Variants in CAPN10 observed in about 807,000 individuals in gnomAD.
The protein encoded by CAPN10 is calpain 10.
CAPN10 carries 71 observed loss-of-function variants against 78.4 expected under a neutral mutation model. The observed-to-expected ratio is 0.91, with a 90% CI of 0.75 to 1.10. The LOEUF is 1.10. CAPN10 is among the 50% of genes least tolerant of loss of function. The probability of loss-of-function intolerance (pLI) is 0.00; values close to 1 mark genes in which losing one functional copy is unlikely to be tolerated. For synonymous variants in CAPN10, 437 were observed against 407.2 expected, an observed-to-expected ratio of 1.07 and a Z score of -0.88; for missense variants, 849 against 924.6, an observed-to-expected ratio of 0.92 and a Z score of 1.06.
At position 240,592,151 on chromosome 2, in the gene CAPN10, G is replaced by A; in HGVS notation, c.688+1G>A. On this transcript the variant is annotated splice_donor_variant, in intron 4 of 11. Coordinates refer to ENST00000391984, the MANE Select transcript of CAPN10 (RefSeq NM_023083.4). LOFTEE classifies it high-confidence loss of function. Reference sequence around the variant, plus strand: ...TGCTGCGTGCTCAGCCCCAGAGCAGGTGAGGCACGTGGCCAGCATGGGAGG... The same window carrying A: ...TGCTGCGTGCTCAGCCCCAGAGCAGATGAGGCACGTGGCCAGCATGGGAGG... 1.3e-6 allele frequency: 2 copies of A among 1,557,060 alleles called. No individual in the cohort carries two copies. Among genetic ancestry groups the A allele is most frequent in the East Asian group, 2.4e-5 (1 of 42,002 alleles).
At chr2:240,594,949 G>A in intron 6 of CAPN10, 75 bp from the exon 7 acceptor site, 1 of 1,524,908 alleles carries the variant, frequency 6.6e-7, no homozygotes, top group East Asian at 2.3e-5. Context: ...CCCTGCCAGG[G>A]TTCATGAGGC....
Position 240,593,914 on chromosome 2 carries a change from G to C in CAPN10, c.697G>C (p.Glu233Gln). The C allele has an allele frequency of 6.3e-7, 1 of 1,598,706 alleles. No individual in the cohort carries two copies. Among genetic ancestry groups the C allele is most frequent in the South Asian group, 1.1e-5 (1 of 90,046 alleles). Residue 233 changes from glutamate (E) to glutamine (Q), a missense_variant, in exon 5 of 12, where the codon GAG (glutamate) becomes CAG (glutamine). Physicochemically the swap from Glu to Gln is conservative, Grantham distance 29. Coordinates refer to ENST00000391984, the MANE Select transcript of CAPN10 (RefSeq NM_023083.4). ...CGCCATTCCTCATGCAGGTGCCCGG[G>C]AGCTGGGGGAGTTCCATGCCTTCAT... ...CVLSPRAGAR[E>Q]LGEFHAFIVS...
rs1046803306 is a variant in CAPN10 at position 240,594,121 on chromosome 2, C to A, written c.830+74C>A. The A allele has an allele frequency of 2.5e-5, 36 of 1,444,942 alleles. No individual in the cohort carries two copies. The African/African-American group carries it at 4.9e-4, about 20-fold the overall frequency. 89.5% of individuals were successfully genotyped at this position (1,444,942 alleles called of 1,614,324 possible). ...GCCAGTCTGGCCTGTGTCCTGGTCA[C>A]CTTCAGCTGTCAGGACTGTACTTGG... On this transcript the variant is annotated intron_variant, in intron 5 of 11. Transcript: ENST00000391984.
At position 240,596,749 on chromosome 2, in the gene CAPN10, T is replaced by C; in HGVS notation, c.1550T>C (p.Val517Ala). 1.2e-6 allele frequency: 2 copies of C among 1,606,310 alleles called. No homozygotes were observed. The highest frequency in any genetic ancestry group is 1.7e-6 in the Non-Finnish European group (2 of 1,175,958). ...AALPAGEWGT[V>A]QLRGSWRVGQ... is the part of the protein sequence containing the mutation. ...CTGCCTGCGGGGGAGTGGGGGACCG[T>C]GCAGCTACGGGGTTCTTGGAGAGTC... The change falls in exon 9 of 12, where the codon GTG (valine) becomes GCG (alanine). Residue 517 changes from valine to alanine, a missense_variant. Val to Ala is a moderately conservative substitution (Grantham distance 64, BLOSUM62 0). Coordinates refer to ENST00000391984, the MANE Select transcript of CAPN10 (RefSeq NM_023083.4).
At chr2:240,590,446 G>A in intron 2 of CAPN10, 1 of 190,610 alleles carries the variant, frequency 5.2e-6, no homozygotes, top group Non-Finnish European at 1.1e-5. Context: ...AGTGAGGGCA[G>A]CAGAGTGTGT....
chr2:240,592,186 A>C, intron 4 of CAPN10, 36 bp downstream of exon 4: 1 of 1,521,226 alleles, frequency 6.6e-7, no homozygotes, highest in Non-Finnish European at 8.9e-7. Flanking sequence ...GGCTGCAGCC[A>C]GCGTGCCCCC....
In CAPN10 at chr2:240,597,817, A is replaced by G. The variant is rs1414164082; in HGVS notation, c.1744-71A>G. ...GACTCAAGAGGGCCAAGGGCATCCG[A>G]GCAGATGGCCCTGGGCTGGGCTCCC... On this transcript the variant is annotated intron_variant, in intron 9 of 11. Coordinates refer to ENST00000391984, the MANE Select transcript of CAPN10 (RefSeq NM_023083.4). 3 of 1,363,442 alleles carry G rather than the reference A, an allele frequency of 2.2e-6. No individual in the cohort carries two copies. In the Admixed American group the frequency reaches 6.4e-5, roughly 29 times the overall value. 84.5% of individuals were successfully genotyped at this position (1,363,442 alleles called of 1,614,324 possible).
rs1559427066 is a variant in CAPN10 at position 240,596,781 on chromosome 2, ACGG to A, written c.1586_1588del (p.Ala529del). 1.2e-6 allele frequency: 2 copies of A among 1,612,566 alleles called. No individual in the cohort carries two copies. The highest frequency in any genetic ancestry group is 1.7e-6 in the Non-Finnish European group (2 of 1,179,678). On this transcript the variant is annotated inframe_deletion, in exon 9 of 12. Transcript: ENST00000391984. Reference sequence around the variant, plus strand: ...ACGGGGTTCTTGGAGAGTCGGCCAGACGGCGGGGGGCAGCAGGAACTTTGCCTC... The same window carrying A: ...ACGGGGTTCTTGGAGAGTCGGCCAGACGGGGGGCAGCAGGAACTTTGCCTC...
Sources: gnomAD v4.1 joint callset for allele counts on GRCh38, gnomAD v4.1.1 for gene constraint, MANE v1.5 for transcripts, NCBI Gene and HGNC (gene_info 2026-07-23, HGNC 2026-07-21) for gene names.